Variants in PDE10A observed in about 807,000 individuals in gnomAD.
The protein encoded by PDE10A is cAMP and cAMP-inhibited cGMP 3',5'-cyclic phosphodiesterase 10A.
In PDE10A, 39 loss-of-function variants were observed where a neutral mutation model predicts 97.7. The observed-to-expected ratio is 0.40, with a 90% CI of 0.31 to 0.52. The LOEUF is 0.52. Ranked by LOEUF, PDE10A falls within the 20% of genes least tolerant of loss-of-function variation. PDE10A has a pLI of 0.56. For synonymous variants in PDE10A, 371 were observed against 376.8 expected, an observed-to-expected ratio of 0.98 and a Z score of 0.18; for missense variants, 731 against 1,047.8, an observed-to-expected ratio of 0.70 and a Z score of 4.17.
chr6:165,489,558 G>A (rs1425007945), intron 2 of PDE10A, among the ~76,000 whole-genome samples: 1 of 152,058 alleles, frequency 6.6e-6, no homozygotes, highest in African/African-American at 2.4e-5. Flanking sequence ...CACCCCAAAA[G>A]ATCATACTAG....
intron 1 of PDE10A, among the ~76,000 whole-genome samples, chr6:165,980,104 T>C (rs2128503596): frequency 6.6e-6 from 1 of 152,354 alleles, no homozygotes; most frequent in South Asian, 2.1e-4. Context: ...AAATCCATCA[T>C]AGGTGTAATC....
At chr6:165,653,965 T>C (rs1044544318) in intron 1 of PDE10A, among the ~76,000 whole-genome samples, 1 of 152,158 alleles carries the variant, frequency 6.6e-6, no homozygotes, top group Non-Finnish European at 1.5e-5. Context: ...CTGGCGCCTC[T>C]GTCCAGGCTC....
chr6:165,817,730 T>C (rs35640238), intron 1 of PDE10A, among the ~76,000 whole-genome samples: 10,736 of 152,084 alleles, frequency 0.071, 492 homozygotes, highest in Non-Finnish European at 0.1. Context: ...GACAACTGGG[T>C]TGTAGCGTTG....
At chr6:165,772,799 A>C (rs995045719) in intron 1 of PDE10A, among the ~76,000 whole-genome samples, 1 of 152,244 alleles carries the variant, frequency 6.6e-6, no homozygotes, top group African/African-American at 2.4e-5. Context: ...CGAAAGACAG[A>C]ATAGTGTAGA....
chr6:165,783,598 A>G (rs1778403671), intron 1 of PDE10A, among the ~76,000 whole-genome samples: 1 of 152,248 alleles, frequency 6.6e-6, no homozygotes, highest in African/African-American at 2.4e-5. Context: ...CGAGTCACAT[A>G]GAATGAAAAC....
chr6:165,913,523 A>G (rs1171823186), intron 1 of PDE10A, among the ~76,000 whole-genome samples: 1 of 152,198 alleles, frequency 6.6e-6, no homozygotes, highest in South Asian at 2.1e-4. Flanking sequence ...TAATTTTTAA[A>G]TTATTTTTAT....
chr6:165,822,588 A>C (rs1779605194), intron 1 of PDE10A, among the ~76,000 whole-genome samples: 4 of 151,646 alleles, frequency 2.6e-5, no homozygotes, highest in Admixed American at 2.6e-4. Context: ...AACATAGAAA[A>C]GGTATAGTAA....
chr6:165,622,505 C>A (rs1334188058), intron 1 of PDE10A, among the ~76,000 whole-genome samples: 4 of 152,138 alleles, frequency 2.6e-5, no homozygotes, highest in African/African-American at 9.7e-5. Context: ...AACTGTAACA[C>A]AATGCTAAGG....
intron 18 of PDE10A, among the ~76,000 whole-genome samples, chr6:165,370,962 C>A (rs1342602769): frequency 7.3e-6 from 1 of 136,248 alleles, no homozygotes; most frequent in African/African-American, 2.9e-5. Context: ...AACTGAACAA[C>A]CTGCTCCTGA....
intron 2 of PDE10A, among the ~76,000 whole-genome samples, chr6:165,513,502 A>C (rs915421185): frequency 6.6e-6 from 1 of 152,096 alleles, no homozygotes; most frequent in African/African-American, 2.4e-5. Context: ...TTAAAATATT[A>C]TTATGATTCT....
At chr6:165,446,779 A>T (rs778095811) in intron 5 of PDE10A, among the ~76,000 whole-genome samples, 17 of 152,148 alleles carry the variant, frequency 1.1e-4, no homozygotes, top group African/African-American at 2.4e-4. Flanking sequence ...GTTCATAGGG[A>T]TATTAAGTTG....
intron 1 of PDE10A, among the ~76,000 whole-genome samples, chr6:165,611,617 C>T (rs1174378670): frequency 6.6e-6 from 1 of 152,246 alleles, no homozygotes; most frequent in Non-Finnish European, 1.5e-5. Context: ...AACCTCTGAG[C>T]AATCAATTGC....
At chr6:165,857,466 C>T (rs902298854) in intron 1 of PDE10A, among the ~76,000 whole-genome samples, 1 of 152,314 alleles carries the variant, frequency 6.6e-6, no homozygotes, top group Middle Eastern at 3.4e-3. Context: ...TGTTTTCTCT[C>T]CTGAGCGCAT....
At chr6:165,736,929 ACACT>A (rs1792590160) in intron 1 of PDE10A, among the ~76,000 whole-genome samples, 1 of 152,230 alleles carries the variant, frequency 6.6e-6, no homozygotes, top group Non-Finnish European at 1.5e-5. Context: ...AAAAAAGAGC[ACACT>A]CAAATAAGCA....
At chr6:165,716,684 A>G (rs1419101949) in intron 1 of PDE10A, among the ~76,000 whole-genome samples, 3 of 152,220 alleles carry the variant, frequency 2.0e-5, no homozygotes, top group African/African-American at 7.2e-5. Context: ...AAAAGGGGTC[A>G]TGGGTGTGGA....
intron 3 of PDE10A, among the ~76,000 whole-genome samples, chr6:165,458,425 T>G (rs549570284): frequency 3.3e-4 from 50 of 152,236 alleles, no homozygotes; most frequent in African/African-American, 1.1e-3. Context: ...AGAAGACAGC[T>G]GCCTTTTATC....
chr6:165,397,158 G>A (rs1156276171), intron 13 of PDE10A, among the ~76,000 whole-genome samples: 1 of 152,084 alleles, frequency 6.6e-6, no homozygotes, highest in Non-Finnish European at 1.5e-5. Flanking sequence ...CTGTATCTGT[G>A]TGCAAATGTT....
intron 1 of PDE10A, among the ~76,000 whole-genome samples, chr6:165,847,843 T>A (rs541544957): frequency 1.3e-5 from 2 of 152,378 alleles, no homozygotes; most frequent in South Asian, 4.1e-4. Context: ...CTTTTGAGCG[T>A]AAACAAATTT....
At chr6:165,378,475 T>C (rs1784748310) in intron 18 of PDE10A, among the ~76,000 whole-genome samples, 1 of 152,132 alleles carries the variant, frequency 6.6e-6, no homozygotes, top group African/African-American at 2.4e-5. Context: ...CAAGGGGAGA[T>C]GGCAGGTTAG....
Sources: gnomAD v4.1 joint callset for allele counts (sites outside exome capture counted in the v4.1 genomes callset) on GRCh38, gnomAD v4.1.1 for gene constraint, MANE v1.5 for transcripts, NCBI Gene and HGNC (gene_info 2026-07-23, HGNC 2026-07-21) for gene names.